KL: variants seen among roughly 807,000 people sequenced by gnomAD.
KL encodes klotho, also known as alpha-klotho.
Under a neutral mutation model 84.2 loss-of-function variants are expected in KL, and 62 were observed. The ratio of observed to expected loss-of-function variants is 0.74; its 90% confidence interval spans 0.60 to 0.91. KL has a LOEUF of 0.91. KL is among the 40% of genes least tolerant of loss of function. The pLI, the probability that KL is intolerant of heterozygous loss-of-function variation, is 0.00. For synonymous variants in KL, 528 were observed against 528.0 expected (o/e 1.00, Z 0.00); for missense variants, 1,261 against 1,305.7 (o/e 0.97, Z 0.53).
chr13:33,028,057 G>A (rs1434462435), intron 1 of KL, among the ~76,000 whole-genome samples: 1 of 152,264 alleles, frequency 6.6e-6, no homozygotes, highest in Admixed American at 6.5e-5. Flanking sequence ...CCCAGGCATA[G>A]GCTGATGGGG....
chr13:33,033,987 G>A (rs1181980825), intron 1 of KL, among the ~76,000 whole-genome samples: 1 of 151,862 alleles, frequency 6.6e-6, no homozygotes, highest in East Asian at 1.9e-4. Context: ...CTTTTGAAAA[G>A]GCAATCTGAG....
Position 33,055,244 on chromosome 13 carries a change from C to T in KL, c.1528C>T (p.Pro510Ser). 1.9e-6 allele frequency: 3 copies of T among 1,614,224 alleles called. No individual in the cohort carries two copies. Among genetic ancestry groups the T allele is most frequent in the South Asian group, 2.2e-5 (2 of 91,082 alleles). ...LIEKNGFPPL[P>S]ENQPLEGTFP... is the part of the protein sequence containing the mutation. ...AGAGAAAAATGGCTTCCCTCCTTTACCTGAAAATCAGCCCCTAGAAGGGAC... is the reference window on the plus strand; with the variant it reads ...AGAGAAAAATGGCTTCCCTCCTTTATCTGAAAATCAGCCCCTAGAAGGGAC... Residue 510 changes from proline to serine, a missense_variant, in exon 3 of 5, where the codon CCT (proline) becomes TCT (serine). By Grantham distance (74) the Pro-to-Ser change is moderately conservative. Coordinates refer to ENST00000380099, the MANE Select transcript of KL (RefSeq NM_004795.4).
rs865891922 is a variant in KL, at chr13:33,016,759, G to T, written c.319G>T (p.Ala107Ser). 2.5e-6 allele frequency: 4 copies of T among 1,611,566 alleles called. No homozygotes were observed. The highest frequency in any genetic ancestry group is 1.3e-5 in the African/African-American group (1 of 74,876). ...PLAPPGDSRN[A>S]SLPLGAPSPL... Reference sequence around the variant, plus strand: ...GGCACCCCCGGGAGACTCCCGGAACGCCAGTCTGCCGTTGGGCGCCCCGTC... The same window carrying T: ...GGCACCCCCGGGAGACTCCCGGAACTCCAGTCTGCCGTTGGGCGCCCCGTC... The change falls in exon 1 of 5, where the codon GCC (alanine) becomes TCC (serine). Residue 107 changes from alanine (A) to serine (S), a missense_variant. Ala to Ser is a moderately conservative substitution (Grantham distance 99, BLOSUM62 1). Coordinates refer to ENST00000380099, the MANE Select transcript of KL (RefSeq NM_004795.4).
chr13:33,053,585 G>C (rs1314836028), intron 1 of KL, among the ~76,000 whole-genome samples, 182 bp from the exon 2 acceptor site: 1 of 152,184 alleles, frequency 6.6e-6, no homozygotes, highest in Non-Finnish European at 1.5e-5. Context: ...AGTCCCCGTA[G>C]CACCTCACTG....
chr13:33,016,707 C>G lies in KL; in HGVS notation c.267C>G (p.Ile89Met). ...GWQQHGKGAS[I>M]WDTFTHHPLA... ...AGCAGCACGGCAAGGGTGCGTCCAT[C>G]TGGGATACGTTCACCCACCACCCCC... is the stretch of plus-strand genomic sequence containing the variant. Residue 89 changes from isoleucine to methionine, a missense_variant, in exon 1 of 5, where the codon ATC becomes ATG. By Grantham distance (10) the Ile-to-Met change is conservative. Coordinates refer to ENST00000380099, the MANE Select transcript of KL (RefSeq NM_004795.4). 6.2e-7 allele frequency: 1 copy of G among 1,610,010 alleles called. No homozygotes were observed. Among genetic ancestry groups the G allele is most frequent in the African/African-American group, 1.3e-5 (1 of 74,972 alleles).
chr13:33,041,510 A>G (rs949226651), intron 1 of KL, among the ~76,000 whole-genome samples: 5 of 152,150 alleles, frequency 3.3e-5, no homozygotes, highest in South Asian at 2.1e-4. Flanking sequence ...CTTCCATAGC[A>G]TTTACAATTC....
chr13:33,045,941 A>G (rs1293593489), intron 1 of KL, among the ~76,000 whole-genome samples: 2 of 152,172 alleles, frequency 1.3e-5, no homozygotes, highest in Non-Finnish European at 2.9e-5. Context: ...GATGTAATGC[A>G]TTACAACGAT....
rs149545256 is a variant in KL at position 33,061,728 on chromosome 13, C to T, written c.2649C>T (p.Asp883=). The T allele has an allele frequency of 5.6e-5, 91 of 1,613,962 alleles. No individual in the cohort carries two copies. Among genetic ancestry groups the T allele is most frequent in the Admixed American group, 3.0e-4 (18 of 60,004 alleles). The change falls in exon 4 of 5, where the codon GAC becomes GAT. Residue 883 remains aspartate, a synonymous_variant. Transcript: ENST00000380099. The part of the protein sequence containing the change: ...NGIDDGLHAE[D]DQLRVYYMQN... ...TCGATGACGGGCTGCATGCTGAGGA[C>T]GACCAGCTGAGGGTGTATTATATGC...
chr13:33,036,538 A>G (rs1447965110), intron 1 of KL, among the ~76,000 whole-genome samples: 1 of 152,122 alleles, frequency 6.6e-6, no homozygotes, highest in Admixed American at 6.6e-5. Flanking sequence ...CTCTCCTAAT[A>G]TAGGACAGTC....
chr13:33,060,729 T>A lies in KL; in HGVS notation c.1650T>A (p.Asp550Glu). The A allele has an allele frequency of 6.2e-7, 1 of 1,614,046 alleles. No individual in the cohort carries two copies. Among genetic ancestry groups the A allele is most frequent in the South Asian group, 1.1e-5 (1 of 91,080 alleles). ...QFTDLNVYLW[D>E]VHHSKRLIKV... Reference sequence around the variant, plus strand: ...CCGACCTGAATGTTTACCTGTGGGATGTCCACCACAGTAAAAGGCTTATTA... The same window carrying A: ...CCGACCTGAATGTTTACCTGTGGGAAGTCCACCACAGTAAAAGGCTTATTA... Residue 550 changes from aspartate to glutamate, a missense_variant, in exon 4 of 5, where the codon GAT becomes GAA. By Grantham distance (45) the Asp-to-Glu change is conservative. Transcript: ENST00000380099.
At chr13:33,030,423 A>G (rs1275930652) in intron 1 of KL, among the ~76,000 whole-genome samples, 1 of 152,136 alleles carries the variant, frequency 6.6e-6, no homozygotes, top group Non-Finnish European at 1.5e-5. Context: ...TGAGTCTATT[A>G]TTTCTGAAAT....
intron 1 of KL, among the ~76,000 whole-genome samples, chr13:33,033,052 CTAT>C (rs765983737): frequency 6.6e-6 from 1 of 152,120 alleles, no homozygotes; most frequent in East Asian, 1.9e-4. Context: ...AATAATTTGT[CTAT>C]TGAGTAAATA....
At chr13:33,059,825 G>A (rs144425212) in intron 3 of KL, among the ~76,000 whole-genome samples, 5 of 152,218 alleles carry the variant, frequency 3.3e-5, no homozygotes, top group African/African-American at 1.2e-4. Context: ...TTCTGTCACT[G>A]ACCCTAAACC....
chr13:33,037,781 T>C (rs145266811), intron 1 of KL, among the ~76,000 whole-genome samples: 1 of 152,094 alleles, frequency 6.6e-6, no homozygotes, highest in Non-Finnish European at 1.5e-5. Flanking sequence ...GGATGAGACA[T>C]GTGGGGCAGA....
chr13:33,060,136 G>T (rs1162593842), intron 3 of KL, among the ~76,000 whole-genome samples: 3 of 151,966 alleles, frequency 2.0e-5, no homozygotes, highest in African/African-American at 7.3e-5. Context: ...GCCAAGACGG[G>T]GTTTGGACGT....
chr13:33,062,954 G>C (rs1241161303), intron 4 of KL, among the ~76,000 whole-genome samples: 2 of 151,602 alleles, frequency 1.3e-5, no homozygotes, highest in East Asian at 1.9e-4. Context: ...TGATTGGCAG[G>C]GGGGGAAAAT....
chr13:33,059,072 C>T (rs1459723845), intron 3 of KL, among the ~76,000 whole-genome samples: 3 of 152,212 alleles, frequency 2.0e-5, no homozygotes, highest in African/African-American at 4.8e-5. Context: ...GCAACAGGCC[C>T]GTAAAATGCA....
chr13:33,025,001 C>T (rs1344949795), intron 1 of KL, among the ~76,000 whole-genome samples: 2 of 152,042 alleles, frequency 1.3e-5, no homozygotes, highest in African/African-American at 4.8e-5. Context: ...ACCTAGGGGG[C>T]CTTTTTACTC....
chr13:33,043,569 T>C (rs768792196), intron 1 of KL, among the ~76,000 whole-genome samples: 4 of 152,118 alleles, frequency 2.6e-5, no homozygotes, highest in Non-Finnish European at 4.4e-5. Flanking sequence ...TGAGTGCTCG[T>C]TGGGGTTTTA....
Sources: gnomAD v4.1 joint callset for allele counts (sites outside exome capture counted in the v4.1 genomes callset) on GRCh38, gnomAD v4.1.1 for gene constraint, MANE v1.5 for transcripts, NCBI Gene and HGNC (gene_info 2026-07-23, HGNC 2026-07-21) for gene names.